FAM114A1: variants seen among roughly 807,000 people sequenced by gnomAD.
FAM114A1 encodes family with sequence similarity 114 member A1.
Under a neutral mutation model 64.3 loss-of-function variants are expected in FAM114A1, and 62 were observed. The ratio of observed to expected loss-of-function variants is 0.96; its 90% CI spans 0.79 to 1.19. The LOEUF (loss-of-function observed/expected upper bound fraction) is 1.19, where lower values mean the gene tolerates loss of function less well. FAM114A1 is among the 50% of genes most tolerant of loss of function. FAM114A1 has a pLI of 0.00. For synonymous variants in FAM114A1, 254 were observed against 251.1 expected, an observed-to-expected ratio of 1.01 and a Z score of -0.11; for missense variants, 645 against 676.3, an observed-to-expected ratio of 0.95 and a Z score of 0.51.
chr4:38,939,546 T>C (rs1721417223), intron 13 of FAM114A1, among the ~76,000 whole-genome samples: 9 of 152,220 alleles, frequency 5.9e-5, no homozygotes, highest in Admixed American at 5.9e-4. Context: ...ATGGATTTTC[T>C]GGTTACTTAC....
At chr4:38,882,792 A>G (rs1715421731) in intron 3 of FAM114A1, among the ~76,000 whole-genome samples, 1 of 152,180 alleles carries the variant, frequency 6.6e-6, no homozygotes, top group African/African-American at 2.4e-5. Flanking sequence ...AAGTACCTGG[A>G]TCTGGATCCC....
intron 1 of FAM114A1, 183 bp downstream of exon 1, chr4:38,868,017 G>A: frequency 2.4e-6 from 1 of 421,302 alleles, no homozygotes. Flanking sequence ...TGAGGGTCTG[G>A]GGCGGCGCGG....
At chr4:38,928,731 C>A (rs979456893) in intron 9 of FAM114A1, among the ~76,000 whole-genome samples, 1 of 152,082 alleles carries the variant, frequency 6.6e-6, no homozygotes, top group Non-Finnish European at 1.5e-5. Context: ...GGAAATTTCT[C>A]CAGAGAGATG....
In FAM114A1 at chr4:38,883,410, G is replaced by A. The variant is rs76242062; in HGVS notation, c.348+4984G>A. On this transcript the variant is annotated intron_variant, in intron 3 of 14. Transcript: ENST00000358869. ...TCTTATGGGACCTTATTATATACTAGCCAGTCAACCCTTAAAAGACCCAAT... is the reference window on the plus strand; with the variant it reads ...TCTTATGGGACCTTATTATATACTAACCAGTCAACCCTTAAAAGACCCAAT... 1.2e-4 allele frequency among the ~76,000 whole-genome samples: 18 copies of A among 151,840 alleles called. No individual in the cohort carries two copies. In the East Asian group the frequency reaches 3.5e-3, roughly 29 times the overall value.
intron 9 of FAM114A1, among the ~76,000 whole-genome samples, chr4:38,925,427 G>A (rs934537129): frequency 2.0e-5 from 3 of 152,172 alleles, no homozygotes; most frequent in African/African-American, 7.2e-5. Flanking sequence ...TTGCAGTGGG[G>A]GAAATCCAGG....
At chr4:38,933,729 A>G (rs1203509172) in intron 12 of FAM114A1, among the ~76,000 whole-genome samples, 5 of 152,216 alleles carry the variant, frequency 3.3e-5, no homozygotes, top group South Asian at 2.1e-4. Context: ...GTGGAAAATT[A>G]ACATAGGCCT....
intron 2 of FAM114A1, among the ~76,000 whole-genome samples, chr4:38,877,006 A>C (rs1163066137): frequency 6.6e-6 from 1 of 152,136 alleles, no homozygotes; most frequent in Non-Finnish European, 1.5e-5. Flanking sequence ...TAATCCCCTC[A>C]TCTCAAGATC....
At chr4:38,938,628 C>T (rs574231143) in intron 13 of FAM114A1, 9 of 152,244 alleles carry the variant, frequency 5.9e-5, no homozygotes, top group East Asian at 5.8e-4. Context: ...CAGAGAGGTG[C>T]GAGGTCTTAA....
chr4:38,874,206 G>A (rs529705729), intron 2 of FAM114A1, among the ~76,000 whole-genome samples: 6 of 152,222 alleles, frequency 3.9e-5, no homozygotes, highest in East Asian at 3.9e-4. Context: ...CAGTTTCCTC[G>A]TCTGTAAAAT....
intron 14 of FAM114A1, among the ~76,000 whole-genome samples, chr4:38,942,455 G>A (rs1401990771): frequency 6.6e-6 from 1 of 152,022 alleles, no homozygotes; most frequent in Non-Finnish European, 1.5e-5. Context: ...GGCAGAATGT[G>A]GTACAAGAAA....
At chr4:38,911,354 G>T (rs1221361305) in intron 7 of FAM114A1, among the ~76,000 whole-genome samples, 1 of 152,236 alleles carries the variant, frequency 6.6e-6, no homozygotes, top group East Asian at 1.9e-4. Context: ...GTCTGCCTTA[G>T]TGCCCTGCTG....
chr4:38,880,766 C>T (rs1715183457), intron 3 of FAM114A1, among the ~76,000 whole-genome samples: 1 of 152,188 alleles, frequency 6.6e-6, no homozygotes, highest in South Asian at 2.1e-4. Flanking sequence ...ATAACTTAGC[C>T]ACACCATTAT....
At chr4:38,942,960 C>A (rs949860603) in intron 14 of FAM114A1, among the ~76,000 whole-genome samples, 3 of 151,888 alleles carry the variant, frequency 2.0e-5, no homozygotes, top group Admixed American at 6.6e-5. Flanking sequence ...TTTGGGAGGC[C>A]GAGGTGGGCA....
chr4:38,878,378 T>G lies in FAM114A1; in HGVS notation c.300T>G (p.Leu100=). 6.2e-7 allele frequency: 1 copy of G among 1,611,532 alleles called. No individual in the cohort carries two copies. The change falls in exon 3 of 15, where the codon CTT becomes CTG. Residue 100 remains leucine, a synonymous_variant. Coordinates refer to ENST00000358869, the MANE Select transcript of FAM114A1 (RefSeq NM_138389.4). ...CTGAATGTATTGATTCCGTCAGCCT[T>G]GAGGCAGAACCCAGATCCGAAATAC... ...TLAECIDSVS[L]EAEPRSEIPL...
At chr4:38,937,774 G>C (rs547937216) in intron 13 of FAM114A1, among the ~76,000 whole-genome samples, 1 of 151,998 alleles carries the variant, frequency 6.6e-6, no homozygotes, top group East Asian at 1.9e-4. Flanking sequence ...TTGCTCTGTC[G>C]CCCAGGCTGG....
At chr4:38,868,040 C>T (rs1255532414) in intron 1 of FAM114A1, 1 of 426,008 alleles carries the variant, frequency 2.3e-6, no homozygotes, top group Non-Finnish European at 4.8e-6. Context: ...GAGGGACCTG[C>T]GTGGGTGCGG....
intron 12 of FAM114A1, 76 bp downstream of exon 12, chr4:38,932,450 C>T: frequency 5.1e-6 from 7 of 1,367,846 alleles, no homozygotes; most frequent in Non-Finnish European, 6.9e-6. Flanking sequence ...ACATACACAC[C>T]CACACCCTCT....
intron 8 of FAM114A1, among the ~76,000 whole-genome samples, chr4:38,921,566 C>T (rs1719595558): frequency 2.0e-5 from 3 of 152,092 alleles, no homozygotes; most frequent in African/African-American, 7.2e-5. Context: ...CTGGCCTGTA[C>T]AAATAATTGT....
intron 4 of FAM114A1, among the ~76,000 whole-genome samples, chr4:38,894,252 C>T (rs951503186): frequency 4.0e-5 from 6 of 150,718 alleles, no homozygotes; most frequent in Non-Finnish European, 5.9e-5. Context: ...TCTTAATCTG[C>T]GGCCTGTGCT....
Sources: allele counts gnomAD v4.1 joint callset (sites outside exome capture counted in the v4.1 genomes callset), GRCh38; gene constraint gnomAD v4.1.1; transcripts MANE v1.5; gene names NCBI Gene and HGNC (gene_info 2026-07-23, HGNC 2026-07-21).